Variants in VEZF1 observed in about 807,000 individuals in gnomAD.
The protein encoded by VEZF1 is putative transcription factor DB1.
VEZF1 carries 5 observed loss-of-function variants against 44.1 expected under a neutral mutation model. The observed-to-expected ratio is 0.11, with a 90% CI of 0.06 to 0.24. The LOEUF (loss-of-function observed/expected upper bound fraction) is 0.24. Ranked by LOEUF, VEZF1 falls within the 10% of genes least tolerant of loss-of-function variation. The probability of loss-of-function intolerance (pLI) is 1.00; values close to 1 mark genes in which losing one functional copy is unlikely to be tolerated. For missense variants in VEZF1, 358 were observed against 641.8 expected (o/e 0.56, Z 4.78); for synonymous variants, 236 against 233.1 (o/e 1.01, Z -0.11).
intron 5 of VEZF1, among the ~76,000 whole-genome samples, chr17:57,975,483 T>C (rs546889588): frequency 6.6e-6 from 1 of 152,394 alleles, no homozygotes; most frequent in South Asian, 2.1e-4. Context: ...AAATGCATAA[T>C]TGGGGAATGA....
intron 5 of VEZF1, among the ~76,000 whole-genome samples, chr17:57,976,485 C>G (rs2075192476): frequency 6.6e-6 from 1 of 152,110 alleles, no homozygotes; most frequent in Admixed American, 6.5e-5. Context: ...TTAGATGGAA[C>G]TTGGGAAATG....
At chr17:57,976,419 CA>C (rs966756709) in intron 5 of VEZF1, among the ~76,000 whole-genome samples, 41 of 149,762 alleles carry the variant, frequency 2.7e-4, no homozygotes, top group Non-Finnish European at 3.5e-4. Context: ...AACAAACAAA[CA>C]AAAAAAACCC....
chr17:57,987,240 G>A (rs1213965197), intron 1 of VEZF1, among the ~76,000 whole-genome samples: 1 of 152,182 alleles, frequency 6.6e-6, no homozygotes, highest in Non-Finnish European at 1.5e-5. Flanking sequence ...CGCTTCGGGA[G>A]AAGGTCGGGC....
chr17:57,981,654 T>C (rs1276860497), intron 3 of VEZF1, among the ~76,000 whole-genome samples: 11 of 152,160 alleles, frequency 7.2e-5, no homozygotes, highest in Admixed American at 6.5e-4. Flanking sequence ...AAGGGAAATA[T>C]AGCTTAAAAA....
chr17:57,983,684 A>G (rs1214862455), intron 1 of VEZF1, among the ~76,000 whole-genome samples: 1 of 152,234 alleles, frequency 6.6e-6, no homozygotes, highest in Non-Finnish European at 1.5e-5. Flanking sequence ...CCAGCTGATG[A>G]AATCAGTTTG....
intron 5 of VEZF1, among the ~76,000 whole-genome samples, chr17:57,977,278 G>A (rs368694445): frequency 1.1e-3 from 161 of 151,974 alleles, no homozygotes; most frequent in African/African-American, 3.6e-3. Flanking sequence ...TGTCACGTCC[G>A]GCTAATTTTT....
chr17:57,978,689 GTAATAAA>G (rs1406362632), intron 5 of VEZF1, among the ~76,000 whole-genome samples: 19 of 152,056 alleles, frequency 1.2e-4, no homozygotes, highest in African/African-American at 4.6e-4. Context: ...TCTGAAACAT[GTAATAAA>G]TAATACAATG....
intron 5 of VEZF1, among the ~76,000 whole-genome samples, chr17:57,975,296 C>T (rs2075179419): frequency 6.6e-6 from 1 of 152,226 alleles, no homozygotes; most frequent in South Asian, 2.1e-4. Flanking sequence ...AAGAGCCAAC[C>T]TCCAGCAGGC....
In VEZF1 at chr17:57,983,156, G is replaced by A. The variant is rs1452010267; in HGVS notation, c.271C>T (p.Arg91Cys). ...KAFRDSYHLR[R>C]HESCHTGIKL... ...ATCCCTGTGTGGCAGGATTCGTGGC[G>A]CCTCAGGTGATAGCTGTCCCTGAAA... Residue 91 changes from arginine (R) to cysteine (C), a missense_variant, in exon 2 of 6, where the codon CGC (arginine) becomes TGC (cysteine). Coordinates refer to ENST00000581208, the MANE Select transcript of VEZF1 (RefSeq NM_007146.3). 3 of 1,614,028 alleles carry A rather than the reference G, an allele frequency of 1.9e-6. No homozygotes were observed. The highest frequency in any genetic ancestry group is 2.5e-6 in the Non-Finnish European group (3 of 1,180,028).
chr17:57,987,749 C>T (rs1356727137), intron 1 of VEZF1, among the ~76,000 whole-genome samples: 1 of 151,868 alleles, frequency 6.6e-6, no homozygotes, highest in Non-Finnish European at 1.5e-5. Flanking sequence ...TTTCTCTGGG[C>T]CGCGGGGTGG....
Position 57,979,146 on chromosome 17 carries a change from C to T in VEZF1, c.1138+6G>A. The T allele has an allele frequency of 6.2e-7, 1 of 1,611,442 alleles. No individual in the cohort carries two copies. Among genetic ancestry groups the T allele is most frequent in the Non-Finnish European group, 8.5e-7 (1 of 1,179,290 alleles). Reference sequence around the variant, plus strand: ...CATATTTTCAACACTGGAAGCTGTGCCTTACCTTTCTTCCTTGCTTTAACA... The same window carrying T: ...CATATTTTCAACACTGGAAGCTGTGTCTTACCTTTCTTCCTTGCTTTAACA... On this transcript the variant is annotated splice_donor_region_variant and intron_variant, in intron 5 of 5. Coordinates refer to ENST00000581208, the MANE Select transcript of VEZF1 (RefSeq NM_007146.3).
In VEZF1 at chr17:57,982,982, T is replaced by C. The variant is rs2075263866; in HGVS notation, c.445A>G (p.Ser149Gly). The C allele has an allele frequency of 6.2e-7, 1 of 1,614,206 alleles. No individual in the cohort carries two copies. The highest frequency in any genetic ancestry group is 8.5e-7 in the Non-Finnish European group (1 of 1,180,040). Residue 149 changes from serine to glycine, a missense_variant, in exon 2 of 6, where the codon AGT (serine) becomes GGT (glycine). By Grantham distance (56) the Ser-to-Gly change is moderately conservative. Around this residue, in one of 4 missense-constraint regions of VEZF1, gnomAD observed 117 missense variants for 207.2 expected, o/e 0.56. Coordinates refer to ENST00000581208, the MANE Select transcript of VEZF1 (RefSeq NM_007146.3). ...ATAGCTGTGGTGCTGGCACTGCTAC[T>C]GGGGTTGGTGCCCGAGGAAGATGTA... ...VTTSSSGTNP[S>G]SSASTTAMPV...
At chr17:57,980,827 C>T in intron 3 of VEZF1, 41 bp from the exon 4 acceptor site, 1 of 1,598,924 alleles carries the variant, frequency 6.3e-7, no homozygotes, top group Non-Finnish European at 8.5e-7. Flanking sequence ...ATAGACTATC[C>T]TGTTCTACTC....
chr17:57,979,009 C>T, intron 5 of VEZF1, 143 bp downstream of exon 5: 2 of 1,140,586 alleles, frequency 1.8e-6, no homozygotes, highest in Non-Finnish European at 2.5e-6. Context: ...TATACTTTAC[C>T]AGATATTTCC....
chr17:57,984,903 A>T (rs1477575516), intron 1 of VEZF1, among the ~76,000 whole-genome samples: 1 of 152,170 alleles, frequency 6.6e-6, no homozygotes. Flanking sequence ...GTTACTTATG[A>T]GTCTCTTTCT....
In VEZF1 at chr17:57,983,183, C is replaced by T. The variant is rs1235706823; in HGVS notation, c.244G>A (p.Ala82Thr). The part of the protein sequence containing the change: ...TSFVCTYCSK[A>T]FRDSYHLRRH... ...CTCAGGTGATAGCTGTCCCTGAAAG[C>T]TTTACTGCAGTAAGTGCACACAAAT... Residue 82 changes from alanine (A) to threonine (T), a missense_variant, in exon 2 of 6, where the codon GCT becomes ACT. Coordinates refer to ENST00000581208, the MANE Select transcript of VEZF1 (RefSeq NM_007146.3). 1 of 1,614,072 alleles carries T rather than the reference C, an allele frequency of 6.2e-7. No homozygotes were observed.
At position 57,988,095 on chromosome 17, in the gene VEZF1, G is replaced by C. The variant is rs1392894604; in HGVS notation, c.17C>G (p.Thr6Ser). 3 of 765,002 alleles carry C rather than the reference G, an allele frequency of 3.9e-6. No individual in the cohort carries two copies. The allele number at this position is 765,002 out of a possible 1,614,324, so 47.4% of individuals were successfully genotyped here. The change falls in exon 1 of 6, where the codon ACC becomes AGC. Residue 6 changes from threonine to serine, a missense_variant. Around this residue, in one of 4 missense-constraint regions of VEZF1, gnomAD observed 22 missense variants for 17.3 expected, o/e 1.27. Transcript: ENST00000581208. ...CCCCAGTACCTGGAACAGGAACGCG[G>C]TCCAGTTGGCCTCCATGGCTGCGGC... is the stretch of plus-strand genomic sequence containing the variant. The part of the protein sequence containing the change: MEANW[T>S]AFLFQAHEAS...
chr17:57,979,758 G>A (rs769486611), intron 4 of VEZF1, among the ~76,000 whole-genome samples: 1 of 151,930 alleles, frequency 6.6e-6, no homozygotes, highest in Non-Finnish European at 1.5e-5. Flanking sequence ...TCAGGAGTTC[G>A]AGACCAGCCT....
At chr17:57,982,563 T>C (rs2075259598) in intron 2 of VEZF1, 136 bp downstream of exon 2, 22 of 813,328 alleles carry the variant, frequency 2.7e-5, no homozygotes, top group South Asian at 2.3e-4. Flanking sequence ...TTAATACTTA[T>C]CTATCACCAA....
Sources: gnomAD v4.1 joint callset for allele counts (sites outside exome capture counted in the v4.1 genomes callset) on GRCh38, gnomAD v4.1.1 for gene constraint, gnomAD v4.1.1 regional missense constraint, MANE v1.5 for transcripts, NCBI Gene and HGNC (gene_info 2026-07-23, HGNC 2026-07-21) for gene names.